The following CPVL variants were observed in gnomAD, a reference collection of about 807,000 sequenced individuals.
CPVL encodes the protein probable serine carboxypeptidase CPVL.
CPVL carries 51 observed loss-of-function variants against 63.7 expected under a neutral mutation model. That is an observed-to-expected ratio of 0.80 (90% CI 0.64 to 1.01). The LOEUF (loss-of-function observed/expected upper bound fraction) is 1.01. Among genes scored for constraint, CPVL ranks in the 50% least tolerant of loss-of-function variants. The pLI is 0.00. For synonymous variants in CPVL, 195 were observed against 206.0 expected (o/e 0.95, Z 0.46); for missense variants, 530 against 573.1 (o/e 0.92, Z 0.77).
At position 29,095,291 on chromosome 7, in the gene CPVL, C is replaced by G. The variant is rs1786291824; in HGVS notation, c.404-149G>C. On this transcript the variant is annotated intron_variant, in intron 4 of 12. Transcript: ENST00000265394. ...TGCTGCACACTCTCATGGTGGGGAACAGGCACCTGCACCTTTACCCTCCCC... is the reference window on the plus strand; with the variant it reads ...TGCTGCACACTCTCATGGTGGGGAAGAGGCACCTGCACCTTTACCCTCCCC... 4.6e-6 allele frequency: 3 copies of G among 648,230 alleles called. No homozygotes were observed. The Admixed American group carries it at 6.4e-5, about 14-fold the overall frequency. The allele number at this position is 648,230 out of a possible 1,614,324, so 40.2% of individuals were successfully genotyped here.
intron 2 of CPVL, among the ~76,000 whole-genome samples, chr7:29,118,721 C>T (rs1789034868): frequency 1.3e-5 from 2 of 152,192 alleles, no homozygotes; most frequent in African/African-American, 4.8e-5. Flanking sequence ...ATAAAACTTG[C>T]TTTATTTTAA....
At chr7:29,170,031 A>G (rs995526570) in intron 5 of CPVL, among the ~76,000 whole-genome samples, 2 of 151,950 alleles carry the variant, frequency 1.3e-5, no homozygotes, top group African/African-American at 2.4e-5. Flanking sequence ...TGTGAGTACC[A>G]TGCCCAGCTG....
chr7:29,179,602 A>G (rs1449929942), intron 5 of CPVL, among the ~76,000 whole-genome samples: 1 of 152,256 alleles, frequency 6.6e-6, no homozygotes, highest in Non-Finnish European at 1.5e-5. Flanking sequence ...TTATTTTGCT[A>G]TATATCCTTT....
intron 7 of CPVL, among the ~76,000 whole-genome samples, chr7:29,077,870 C>T (rs913193428): frequency 2.0e-5 from 3 of 152,084 alleles, no homozygotes; most frequent in African/African-American, 7.2e-5. Context: ...GTAATGGGCA[C>T]CATGAGGGCA....
At chr7:29,074,869 A>G (rs998574575) in intron 7 of CPVL, among the ~76,000 whole-genome samples, 8 of 151,772 alleles carry the variant, frequency 5.3e-5, no homozygotes, top group Admixed American at 1.3e-4. Context: ...TTTCAAAACT[A>G]TATTATGGAA....
At chr7:29,079,230 T>A (rs1357636543) in intron 7 of CPVL, among the ~76,000 whole-genome samples, 1 of 152,170 alleles carries the variant, frequency 6.6e-6, no homozygotes, top group Non-Finnish European at 1.5e-5. Flanking sequence ...GATGTTTGAC[T>A]CCCCTTCAGA....
At chr7:29,178,492 C>G (rs139925283) in intron 5 of CPVL, among the ~76,000 whole-genome samples, 67 of 152,272 alleles carry the variant, frequency 4.4e-4, no homozygotes, top group African/African-American at 1.6e-3. Context: ...GTTCCCTCCT[C>G]CAGACCTGCA....
chr7:29,134,288 T>C (rs1790975756), intron 1 of CPVL, among the ~76,000 whole-genome samples: 1 of 152,182 alleles, frequency 6.6e-6, no homozygotes, highest in East Asian at 1.9e-4. Context: ...ACATGTAGGA[T>C]CCTCTAATGA....
intron 5 of CPVL, among the ~76,000 whole-genome samples, chr7:29,168,234 AC>A (rs2128721169): frequency 6.6e-6 from 1 of 152,202 alleles, no homozygotes; most frequent in East Asian, 1.9e-4. Context: ...GTTTGTTTAA[AC>A]CATCTTTCAA....
chr7:29,133,991 TAA>T (rs1669854965), intron 1 of CPVL, among the ~76,000 whole-genome samples: 1 of 152,206 alleles, frequency 6.6e-6, no homozygotes, highest in African/African-American at 2.4e-5. Flanking sequence ...CTCCCCAGTC[TAA>T]AAGAGAGGTG....
chr7:29,188,541 TA>T lies in CPVL; in HGVS notation c.-447-1995del, dbSNP rs200976369. On this transcript the variant is annotated intron_variant, in intron 1 of 16. Coordinates refer to the CPVL transcript ENST00000409850. ...TACTCTCCTTTTTTTATTTTTTTTT[TA>T]AAAAAAAGAGGATTTCTGTTTTGTT... Among the ~76,000 whole-genome samples, 349 of 151,902 alleles carry T rather than the reference TA, an allele frequency of 2.3e-3. 3 individuals are homozygous for T. Among genetic ancestry groups the T allele is most frequent in the African/African-American group, 8.2e-3 (341 of 41,450 alleles).
At chr7:29,109,671 C>T (rs1788061423) in intron 3 of CPVL, among the ~76,000 whole-genome samples, 1 of 152,090 alleles carries the variant, frequency 6.6e-6, no homozygotes, top group Non-Finnish European at 1.5e-5. Context: ...GTTTTTTCAT[C>T]TCTGCCCCTC....
At chr7:29,065,376 A>C (rs916780265) in intron 10 of CPVL, among the ~76,000 whole-genome samples, 4 of 152,248 alleles carry the variant, frequency 2.6e-5, no homozygotes, top group African/African-American at 9.6e-5. Flanking sequence ...TAAATCAGGC[A>C]ATTTTAAAAA....
chr7:29,011,725 GT>G (rs1483583740), intron 12 of CPVL: 5 of 152,080 alleles, frequency 3.3e-5, no homozygotes, highest in Non-Finnish European at 7.4e-5. Flanking sequence ...AAAAAAAATT[GT>G]GAGATAGCAC....
chr7:29,076,246 A>G (rs1784232192), intron 7 of CPVL, among the ~76,000 whole-genome samples: 1 of 152,128 alleles, frequency 6.6e-6, no homozygotes, highest in African/African-American at 2.4e-5. Flanking sequence ...TTTTGTTCTG[A>G]GTTCTAATGA....
intron 1 of CPVL, among the ~76,000 whole-genome samples, chr7:29,145,207 T>G (rs144152652): frequency 1.2e-3 from 181 of 152,128 alleles, no homozygotes; most frequent in African/African-American, 4.2e-3. Context: ...GCTAATAAAA[T>G]GTATTCTCAA....
intron 12 of CPVL, among the ~76,000 whole-genome samples, chr7:29,024,225 A>C (rs889864109): frequency 6.6e-6 from 1 of 152,200 alleles, no homozygotes; most frequent in African/African-American, 2.4e-5. Flanking sequence ...AGCTTCAATA[A>C]TAGAGATCAA....
intron 11 of CPVL, among the ~76,000 whole-genome samples, chr7:29,037,155 T>C (rs1238607749): frequency 3.9e-5 from 6 of 152,202 alleles, no homozygotes; most frequent in East Asian, 3.8e-4. Flanking sequence ...ATAAACTCTA[T>C]GGCTGGGTTT....
chr7:29,150,505 G>A (rs563519401), upstream of CPVL, among the ~76,000 whole-genome samples: 3 of 152,236 alleles, frequency 2.0e-5, no homozygotes, highest in South Asian at 6.2e-4. Context: ...ACCTATAGCC[G>A]GAGCTTTGCT....
Sources: allele counts gnomAD v4.1 joint callset (sites outside exome capture counted in the v4.1 genomes callset), GRCh38; gene constraint gnomAD v4.1.1; transcripts MANE v1.5; gene names NCBI Gene and HGNC (gene_info 2026-07-23, HGNC 2026-07-21).